ZW10: variants seen among roughly 807,000 people sequenced by gnomAD.
ZW10 encodes the protein centromere/kinetochore protein zw10 homolog.
Under a neutral mutation model 87.8 loss-of-function variants are expected in ZW10, and 53 were observed. The observed-to-expected ratio is 0.60, with a 90% CI of 0.48 to 0.76. The LOEUF (loss-of-function observed/expected upper bound fraction) is 0.76. Ranked by LOEUF, ZW10 falls within the 30% of genes least tolerant of loss-of-function variation. ZW10 has a pLI of 0.00. For missense variants in ZW10, 837 were observed against 923.0 expected (o/e 0.91, Z 1.21); for synonymous variants, 312 against 329.2 (o/e 0.95, Z 0.57).
intron 1 of ZW10, chr11:113,771,570 C>T (rs1183761273): frequency 6.6e-6 from 1 of 152,186 alleles, no homozygotes; most frequent in Non-Finnish European, 1.5e-5. Flanking sequence ...AGAGAGAACA[C>T]CTGTTTAGTG....
At chr11:113,735,740 T>A (rs1470575951) in intron 15 of ZW10, among the ~76,000 whole-genome samples, 3 of 152,188 alleles carry the variant, frequency 2.0e-5, no homozygotes, top group African/African-American at 7.2e-5. Context: ...CACTATGATA[T>A]GATATAGCAT....
chr11:113,762,110 C>A (rs1953866228), intron 2 of ZW10, among the ~76,000 whole-genome samples: 7 of 152,228 alleles, frequency 4.6e-5, no homozygotes, highest in Admixed American at 4.6e-4. Context: ...GTCATGCAAA[C>A]ATCACAGAGT....
At chr11:113,766,358 G>C (rs183998463) in intron 2 of ZW10, among the ~76,000 whole-genome samples, 2 of 151,132 alleles carry the variant, frequency 1.3e-5, no homozygotes, top group Non-Finnish European at 2.9e-5. Context: ...GAGTGAAACC[G>C]TCTCAAAAAA....
At chr11:113,750,328 A>G (rs1953722053) in intron 7 of ZW10, among the ~76,000 whole-genome samples, 1 of 151,486 alleles carries the variant, frequency 6.6e-6, no homozygotes, top group South Asian at 2.1e-4. Context: ...TTTGAGATGA[A>G]GTTTTGCTCT....
intron 1 of ZW10, 136 bp downstream of exon 1, chr11:113,773,423 CACA>C (rs1937664354): frequency 6.0e-6 from 4 of 670,926 alleles, no homozygotes; most frequent in Non-Finnish European, 1.0e-5. Flanking sequence ...ATTCAGCCCC[CACA>C]ACTAGATCTC....
intron 15 of ZW10, 85 bp from the exon 16 acceptor site, chr11:113,733,899 G>T: frequency 7.0e-7 from 1 of 1,438,196 alleles, no homozygotes. Flanking sequence ...TGATCCAAAT[G>T]CTTATTTGCT....
At position 113,743,846 on chromosome 11, in the gene ZW10, G is replaced by A. The variant is rs1290616696; in HGVS notation, c.1467C>T (p.Leu489=). The change falls in exon 10 of 16, where the codon CTC becomes CTT. Residue 489 remains leucine (L), a synonymous_variant. Transcript: ENST00000200135. ...TTGCCTCTAGTAAAGTCTGATAGGC[G>A]AGTTCCATTAATTTCTTCACAGACT... is the stretch of plus-strand genomic sequence containing the variant. ...ISESVKKLME[L]AYQTLLEATT... is the part of the protein sequence containing the mutation. 5 of 1,613,986 alleles carry A rather than the reference G, an allele frequency of 3.1e-6. No homozygotes were observed. Among genetic ancestry groups the A allele is most frequent in the Middle Eastern group, 1.6e-4 (1 of 6,082 alleles).
At chr11:113,746,495 C>CAAAAAAAAAAAAAAAAA (rs566009326) in intron 9 of ZW10, among the ~76,000 whole-genome samples, 9 of 105,322 alleles carry the variant, frequency 8.5e-5, no homozygotes, top group African/African-American at 1.2e-4. Context: ...ACAAAACAGT[C>CAAAAAAAAAAAAAAAAA]AAAAAAAAAA....
chr11:113,739,500 A>G, intron 11 of ZW10, 118 bp from the exon 12 acceptor site: 7 of 875,468 alleles, frequency 8.0e-6, no homozygotes, highest in Non-Finnish European at 1.2e-5. Context: ...TAGTTTCTAA[A>G]TGCTATACAT....
chr11:113,739,482 T>C, intron 11 of ZW10, 100 bp from the exon 12 acceptor site: 1 of 1,080,708 alleles, frequency 9.3e-7, no homozygotes, highest in East Asian at 2.5e-5. Context: ...TAGGCTTTAA[T>C]AACTGTCTAG....
Position 113,736,624 on chromosome 11 carries a change from C to T in ZW10, c.2215G>A (p.Asp739Asn). The change falls in exon 15 of 16, where the codon GAT becomes AAT. Residue 739 changes from aspartate (D) to asparagine (N), a missense_variant. Transcript: ENST00000200135. Reference sequence around the variant, plus strand: ...CTATAGAAGGGTTATACATACCGATCCCCAATTTCTTGCAAGCTGGCTTGT... The same window carrying T: ...CTATAGAAGGGTTATACATACCGATTCCCAATTTCTTGCAAGCTGGCTTGT... The part of the protein sequence containing the change: ...MLQASLQEIG[D>N]RWADGKGPLA... The T allele has an allele frequency of 6.2e-7, 1 of 1,614,180 alleles. No individual in the cohort carries two copies. The highest frequency in any genetic ancestry group is 1.1e-5 in the South Asian group (1 of 91,074).
At chr11:113,745,226 A>C (rs2134873705) in intron 9 of ZW10, among the ~76,000 whole-genome samples, 1 of 152,080 alleles carries the variant, frequency 6.6e-6, no homozygotes, top group East Asian at 1.9e-4. Context: ...TCTGGATCTC[A>C]ATTTTCTCAC....
chr11:113,738,804 A>G lies in ZW10; in HGVS notation c.1753+409T>C, dbSNP rs142377506. Among the ~76,000 whole-genome samples the G allele has an allele frequency of 7.0e-4, 107 of 152,324 alleles. 1 individual carries two copies. Among genetic ancestry groups the G allele is most frequent in the African/African-American group, 2.5e-3 (102 of 41,576 alleles). On this transcript the variant is annotated intron_variant, in intron 12 of 15. Coordinates refer to ENST00000200135, the MANE Select transcript of ZW10 (RefSeq NM_004724.4). The stretch of plus-strand genomic sequence containing the variant: ...TTTCTTTTGACTTTTAGTAATCCCA[A>G]GTAAAACTAAGGGAGATGTAAGATG...
rs1370126920 is a variant in ZW10 at position 113,758,848 on chromosome 11, T to C, written c.581-142A>G. On this transcript the variant is annotated intron_variant, in intron 5 of 15. Coordinates refer to ENST00000200135, the MANE Select transcript of ZW10 (RefSeq NM_004724.4). ...ATGCAACCAAATATGAATTATGACA[T>C]ACATGTCCTTGGCATCACTTTAAAA... The C allele has an allele frequency of 7.7e-6, 6 of 783,868 alleles. No individual in the cohort carries two copies. The Admixed American group carries it at 8.4e-5, about 11-fold the overall frequency. The allele number at this position is 783,868 out of a possible 1,614,324, so 48.6% of individuals were successfully genotyped here. A position where few individuals can be genotyped will look rare whatever the true frequency, so the allele number is the denominator to read the frequency against.
At chr11:113,735,459 T>C (rs1220367642) in intron 15 of ZW10, among the ~76,000 whole-genome samples, 1 of 150,848 alleles carries the variant, frequency 6.6e-6, no homozygotes, top group Admixed American at 6.6e-5. Context: ...CAAGCAGAGA[T>C]CTCATTGACA....
At position 113,760,385 on chromosome 11, in the gene ZW10, A is replaced by G; in HGVS notation, c.421-17T>C. 1 of 1,613,506 alleles carries G rather than the reference A, an allele frequency of 6.2e-7. No homozygotes were observed. Among genetic ancestry groups the G allele is most frequent in the South Asian group, 1.1e-5 (1 of 90,998 alleles). On this transcript the variant is annotated splice_polypyrimidine_tract_variant and intron_variant, in intron 4 of 15. Coordinates refer to ENST00000200135, the MANE Select transcript of ZW10 (RefSeq NM_004724.4). ...TTTCTGTGCCTGGTAACGAAATGGA[A>G]TCACTGTTAAACATTCCATCTGGAC...
rs891630068 is a variant in ZW10, at chr11:113,733,566, A to C, written c.*128T>G. On this transcript the variant is annotated 3_prime_UTR_variant, in exon 16 of 16. Coordinates refer to ENST00000200135, the MANE Select transcript of ZW10 (RefSeq NM_004724.4). ...GCCAGGAGGTAAGACGTTCTTCTGT[A>C]AAGTCAAACTTCCAAGATGTACTGG... The C allele has an allele frequency of 4.7e-6, 6 of 1,284,690 alleles. No individual in the cohort carries two copies. The African/African-American group carries it at 5.9e-5, about 13-fold the overall frequency. 79.6% of individuals were successfully genotyped at this position (1,284,690 alleles called of 1,614,324 possible). A position where few individuals can be genotyped will look rare whatever the true frequency, so the allele number is the denominator to read the frequency against.
Position 113,733,542 on chromosome 11 carries a change from C to T in ZW10, c.*152G>A. On this transcript the variant is annotated 3_prime_UTR_variant, in exon 16 of 16. Transcript: ENST00000200135. ...GTTCTTAAACAAAGCCTCGTACAGGCCAGGAGGTAAGACGTTCTTCTGTAA... is the reference window on the plus strand; with the variant it reads ...GTTCTTAAACAAAGCCTCGTACAGGTCAGGAGGTAAGACGTTCTTCTGTAA... 1.1e-6 allele frequency: 1 copy of T among 952,088 alleles called. No homozygotes were observed. Among genetic ancestry groups the T allele is most frequent in the Non-Finnish European group, 1.6e-6 (1 of 622,932 alleles). The allele number at this position is 952,088 out of a possible 1,614,324, so 59.0% of individuals were successfully genotyped here. A position where few individuals can be genotyped will look rare whatever the true frequency, so the allele number is the denominator to read the frequency against.
At chr11:113,772,729 T>C (rs1382415804) in intron 1 of ZW10, among the ~76,000 whole-genome samples, 1 of 151,160 alleles carries the variant, frequency 6.6e-6, no homozygotes, top group Non-Finnish European at 1.5e-5. Context: ...TCCCAGCACT[T>C]TGGGAGGCCG....
Sources: allele counts gnomAD v4.1 joint callset (sites outside exome capture counted in the v4.1 genomes callset), GRCh38; gene constraint gnomAD v4.1.1; transcripts MANE v1.5; gene names NCBI Gene and HGNC (gene_info 2026-07-23, HGNC 2026-07-21).